Variants in PAX8 observed in about 807,000 individuals in gnomAD.
PAX8 encodes paired box protein Pax-8.
PAX8 carries 15 observed loss-of-function variants against 52.4 expected under a neutral mutation model. The ratio of observed to expected loss-of-function variants is 0.29; its 90% CI spans 0.19 to 0.44. The LOEUF (loss-of-function observed/expected upper bound fraction) is 0.44. Among genes scored for constraint, PAX8 ranks in the 20% least tolerant of loss-of-function variants. PAX8 has a pLI of 1.00. For missense variants in PAX8, 554 were observed against 602.5 expected (o/e 0.92, Z 0.84); for synonymous variants, 284 against 249.7 (o/e 1.14, Z -1.29).
chr2:113,241,606 T>G lies in PAX8; in HGVS notation c.722A>C (p.Glu241Ala), dbSNP rs763929254. The change falls in exon 7 of 12, where the codon GAG becomes GCG. Residue 241 changes from glutamate to alanine, a missense_variant. Physicochemically the swap from Glu to Ala is moderately radical, Grantham distance 107. Coordinates refer to ENST00000429538, the MANE Select transcript of PAX8 (RefSeq NM_003466.4). ...ATAGGCCTCTGGGTAGTGCTGCCGCTCAAATGGGCACTCGAGCGGCTCGAG... is the reference window on the plus strand; with the variant it reads ...ATAGGCCTCTGGGTAGTGCTGCCGCGCAAATGGGCACTCGAGCGGCTCGAG... Reference protein sequence around the residue: ...HHLEPLECPFERQHYPEAYAS... With the variant: ...HHLEPLECPFARQHYPEAYAS... 1 of 1,613,522 alleles carries G rather than the reference T, an allele frequency of 6.2e-7. No homozygotes were observed. The highest frequency in any genetic ancestry group is 1.1e-5 in the South Asian group (1 of 91,060).
intron 3 of PAX8, among the ~76,000 whole-genome samples, chr2:113,245,710 A>G (rs1573473438): frequency 6.6e-6 from 1 of 152,218 alleles, no homozygotes; most frequent in Admixed American, 6.5e-5. Flanking sequence ...TCTCATCTGC[A>G]TGAAAAAGAA....
At chr2:113,223,185 T>C (rs1240544050) in intron 10 of PAX8, among the ~76,000 whole-genome samples, 8 of 152,082 alleles carry the variant, frequency 5.3e-5, no homozygotes, top group Non-Finnish European at 1.2e-4. Flanking sequence ...TGATTTCCAC[T>C]TGCCATCTAC....
intron 9 of PAX8, among the ~76,000 whole-genome samples, chr2:113,229,538 G>A (rs1440403150): frequency 2.6e-5 from 4 of 152,210 alleles, no homozygotes; most frequent in Non-Finnish European, 4.4e-5. Flanking sequence ...GCTGTGCTTG[G>A]CACTGGACCA....
Position 113,216,459 on chromosome 2 carries a change from A to G in PAX8, c.*2074T>C, listed in dbSNP as rs1689031675. ...CCCAGTGTTGTTTGTCCAGCTGCCC[A>G]TATTCACCTGGGCATCCCAGCTGCA... is the stretch of plus-strand genomic sequence containing the variant. On this transcript the variant is annotated 3_prime_UTR_variant, in exon 12 of 12. Coordinates refer to ENST00000429538, the MANE Select transcript of PAX8 (RefSeq NM_003466.4). 4.3e-6 allele frequency: 1 copy of G among 231,060 alleles called. No individual in the cohort carries two copies. Among genetic ancestry groups the G allele is most frequent in the Non-Finnish European group, 8.6e-6 (1 of 116,856 alleles). The allele number at this position is 231,060 out of a possible 1,614,324, so 14.3% of individuals were successfully genotyped here. A position where few individuals can be genotyped will look rare whatever the true frequency, so the allele number is the denominator to read the frequency against.
chr2:113,242,810 G>C, intron 4 of PAX8, 32 bp from the exon 5 acceptor site: 51 of 1,517,366 alleles, frequency 3.4e-5, no homozygotes, highest in Non-Finnish European at 4.1e-5. Flanking sequence ...CCATGAGAGA[G>C]AAGAGGAGGA....
chr2:113,275,100 C>T (rs557170110), intron 2 of PAX8: 1 of 152,224 alleles, frequency 6.6e-6, no homozygotes, highest in African/African-American at 2.4e-5. Context: ...TGGGGGTAGA[C>T]TGATAAAATT....
At chr2:113,235,319 G>A in intron 9 of PAX8, 75 bp downstream of exon 9, 1 of 1,266,786 alleles carries the variant, frequency 7.9e-7, no homozygotes, top group Non-Finnish European at 1.1e-6. Context: ...CAGAGAGGGG[G>A]CTGGCGGTCT....
chr2:113,227,930 A>G (rs1284643141), intron 9 of PAX8, among the ~76,000 whole-genome samples: 1 of 152,238 alleles, frequency 6.6e-6, no homozygotes, highest in Non-Finnish European at 1.5e-5. Context: ...TAGCTTTTAC[A>G]TGACCACAAG....
chr2:113,255,549 C>T (rs776566085), intron 2 of PAX8: 1 of 152,404 alleles, frequency 6.6e-6, no homozygotes, highest in African/African-American at 2.4e-5. Flanking sequence ...ACATTAAATG[C>T]GTGAGTGCTT....
At chr2:113,255,997 AAAAAAAAAAAAAAAGTTCTCCAGTTCTC>A (rs1382497598) in intron 2 of PAX8, among the ~76,000 whole-genome samples, 2 of 150,928 alleles carry the variant, frequency 1.3e-5, no homozygotes, top group African/African-American at 4.9e-5. Context: ...CAATCAGTAA[AAAAAAAAAAAAAAAGTTCTCCAGTTCTC>A]ATTGTCAAGG....
At chr2:113,247,195 C>G (rs188004120) in intron 2 of PAX8, among the ~76,000 whole-genome samples, 3 of 152,208 alleles carry the variant, frequency 2.0e-5, no homozygotes, top group Non-Finnish European at 4.4e-5. Context: ...GCCCTTCACT[C>G]CAAATCACAA....
At chr2:113,226,031 C>T (rs890876946) in intron 10 of PAX8, 59 of 985,620 alleles carry the variant, frequency 6.0e-5, no homozygotes, top group East Asian at 2.3e-4. Context: ...CACATCGCCA[C>T]GGTAACCAGG....
At chr2:113,260,333 A>G (rs1343910456) in intron 2 of PAX8, among the ~76,000 whole-genome samples, 1 of 152,102 alleles carries the variant, frequency 6.6e-6, no homozygotes, top group Non-Finnish European at 1.5e-5. Flanking sequence ...GTGTGTATGA[A>G]TGAGTGGGTG....
At chr2:113,261,006 C>T (rs980360825) in intron 2 of PAX8, among the ~76,000 whole-genome samples, 16 of 152,036 alleles carry the variant, frequency 1.1e-4, no homozygotes, top group Non-Finnish European at 1.5e-4. Flanking sequence ...GAAGGGGAAC[C>T]GCCTTTCTGA....
intron 2 of PAX8, chr2:113,275,760 C>G (rs1463308640): frequency 6.6e-6 from 1 of 152,186 alleles, no homozygotes; most frequent in Non-Finnish European, 1.5e-5. Context: ...TAGAGAATTT[C>G]GTCCCTGATG....
At chr2:113,253,428 C>T (rs1691941502) in intron 2 of PAX8, among the ~76,000 whole-genome samples, 1 of 152,190 alleles carries the variant, frequency 6.6e-6, no homozygotes, top group Non-Finnish European at 1.5e-5. Flanking sequence ...CTAGTGTTGT[C>T]TTGGTTGGTA....
At chr2:113,268,401 G>A (rs922961099) in intron 2 of PAX8, 1 of 152,248 alleles carries the variant, frequency 6.6e-6, no homozygotes, top group South Asian at 2.1e-4. Flanking sequence ...GACCAGGGTC[G>A]GGGCATACCT....
rs769145287 is a variant in PAX8, at chr2:113,278,873, C to T, written c.-118G>A. Reference sequence around the variant, plus strand: ...GGCCCTCACTGCTTGGGTCCGCCCGCGAGGGTGCCCTGGGCCCGGTGTCTC... The same window carrying T: ...GGCCCTCACTGCTTGGGTCCGCCCGTGAGGGTGCCCTGGGCCCGGTGTCTC... On this transcript the variant is annotated 5_prime_UTR_variant, in exon 1 of 12. Transcript: ENST00000429538. 14 of 1,058,470 alleles carry T rather than the reference C, an allele frequency of 1.3e-5. No homozygotes were observed. The highest frequency in any genetic ancestry group is 1.5e-5 in the Non-Finnish European group (13 of 874,148). The allele number at this position is 1,058,470 out of a possible 1,614,324, so 65.6% of individuals were successfully genotyped here.
intron 10 of PAX8, among the ~76,000 whole-genome samples, chr2:113,223,263 A>G (rs1267642957): frequency 6.6e-6 from 1 of 151,984 alleles, no homozygotes; most frequent in African/African-American, 2.4e-5. Context: ...CAAACCTACA[A>G]ATGATTCTTG....
Sources: allele counts gnomAD v4.1 joint callset (sites outside exome capture counted in the v4.1 genomes callset), GRCh38; gene constraint gnomAD v4.1.1; transcripts MANE v1.5; gene names NCBI Gene and HGNC (gene_info 2026-07-23, HGNC 2026-07-21).